Variants in MZT2B observed in about 807,000 individuals in gnomAD.
MZT2B encodes the protein mitotic spindle organizing protein 2B.
Under a neutral mutation model 12.1 loss-of-function variants are expected in MZT2B, and 11 were observed. The observed-to-expected ratio is 0.91, with a 90% CI of 0.57 to 1.50. The LOEUF (loss-of-function observed/expected upper bound fraction) is 1.50, where lower values mean the gene tolerates loss of function less well. Ranked by LOEUF, MZT2B falls within the 40% of genes most tolerant of loss-of-function variation. The pLI is 0.00. For synonymous variants in MZT2B, 85 were observed against 109.5 expected, an observed-to-expected ratio of 0.78 and a Z score of 1.40; for missense variants, 209 against 227.7, an observed-to-expected ratio of 0.92 and a Z score of 0.53.
chr2:130,189,464 A>T (rs13029827), intron 2 of MZT2B, among the ~76,000 whole-genome samples: 3 of 151,902 alleles, frequency 2.0e-5, no homozygotes, highest in Non-Finnish European at 4.4e-5. Flanking sequence ...CAAAGGAAAC[A>T]CTGGGGGGAT....
At chr2:130,202,632 C>A in the MZT2B span, among the ~76,000 whole-genome samples, 2 of 152,192 alleles carry the variant, frequency 1.3e-5, no homozygotes, top group Admixed American at 1.3e-4. Flanking sequence ...CCCATGTCAG[C>A]TAGCTGGGCT....
chr2:130,190,524 C>T lies in MZT2B; in HGVS notation c.375C>T (p.Ser125=), dbSNP rs370291415. 1.9e-6 allele frequency: 3 copies of T among 1,613,846 alleles called. No homozygotes were observed. The highest frequency in any genetic ancestry group is 2.5e-6 in the Non-Finnish European group (3 of 1,179,992). The part of the protein sequence containing the change: ...LGGALALAER[S]SREGSSQRMP... ...GAGCATTGGCCCTGGCGGAACGCAG[C>T]AGCCGCGAAGGATCCAGCCAGAGGA... Residue 125 remains serine (S), a synonymous_variant, in exon 3 of 3, where the codon AGC becomes AGT. Transcript: ENST00000281871.
At chr2:130,203,107 G>A in the MZT2B span, among the ~76,000 whole-genome samples, 11 of 136,850 alleles carry the variant, frequency 8.0e-5, no homozygotes, top group South Asian at 2.3e-4. Flanking sequence ...GCAGTCATGC[G>A]ATCTCAGCTC....
upstream of MZT2B, chr2:130,181,921 T>C: frequency 6.8e-7 from 1 of 1,469,612 alleles, no homozygotes; most frequent in Non-Finnish European, 9.1e-7. Context: ...ACCAGAAAAT[T>C]GCACGCTTTC....
chr2:130,194,043 A>T (rs758232054), downstream of MZT2B: 2 of 1,614,160 alleles, frequency 1.2e-6, no homozygotes, highest in South Asian at 2.2e-5. Flanking sequence ...GCCAGGGGGA[A>T]GTGGATGCGG....
At chr2:130,192,010 C>T, downstream of MZT2B, 1 of 1,614,142 alleles carries the variant, frequency 6.2e-7, no homozygotes, top group Middle Eastern at 1.6e-4. Context: ...AACTTATGGA[C>T]CAGGCGGGCC....
At chr2:130,190,433 G>A (rs769847156) in intron 2 of MZT2B, 36 bp from the exon 3 acceptor site, 103 of 1,606,800 alleles carry the variant, frequency 6.4e-5, no homozygotes, top group South Asian at 2.2e-4. Flanking sequence ...TACGGGGCAC[G>A]CCCATTCCTA....
chr2:130,185,783 G>A (rs868091105), intron 2 of MZT2B, among the ~76,000 whole-genome samples: 20 of 150,532 alleles, frequency 1.3e-4, no homozygotes, highest in African/African-American at 3.9e-4. Flanking sequence ...CTGTGTGAGC[G>A]AATGGGGGCT....
downstream of MZT2B, chr2:130,192,271 G>T: frequency 7.8e-7 from 1 of 1,289,902 alleles, no homozygotes; most frequent in Non-Finnish European, 1.0e-6. Flanking sequence ...GCCCTTCTCT[G>T]CACCAGGCAG....
At chr2:130,200,390 C>CAAA in the MZT2B span, among the ~76,000 whole-genome samples, 56 of 124,210 alleles carry the variant, frequency 4.5e-4, no homozygotes, top group African/African-American at 1.6e-3. Context: ...GACTCTGTCT[C>CAAA]AAAAAAAAAA....
upstream of MZT2B, chr2:130,181,713 A>G (rs770994604): frequency 1.9e-5 from 29 of 1,547,816 alleles, no homozygotes; most frequent in East Asian, 6.1e-4. Flanking sequence ...CGGGCGGGGA[A>G]GAGAAATGGC....
At chr2:130,197,898 G>A in the MZT2B span, among the ~76,000 whole-genome samples, 28 of 125,228 alleles carry the variant, frequency 2.2e-4, 5 homozygotes, top group Non-Finnish European at 4.1e-4. Flanking sequence ...GTGAGCCGCC[G>A]CGCCTGGCCT....
chr2:130,182,189 G>A (rs1053439538), upstream of MZT2B: 11 of 1,259,376 alleles, frequency 8.7e-6, no homozygotes, highest in African/African-American at 6.3e-5. Context: ...GGGCAGCCCG[G>A]GAGGCCAGAC....
chr2:130,197,119 C>A, the MZT2B span, among the ~76,000 whole-genome samples: 4 of 152,136 alleles, frequency 2.6e-5, no homozygotes, highest in Non-Finnish European at 5.9e-5. Flanking sequence ...CTCTCTCTAC[C>A]CCTTGAAGCC....
At chr2:130,204,708 G>C in the MZT2B span, among the ~76,000 whole-genome samples, 2,971 of 138,552 alleles carry the variant, frequency 0.021, 74 homozygotes, top group African/African-American at 0.064. Flanking sequence ...AAAAAAAGGG[G>C]GGGTGGGGAG....
At chr2:130,187,672 A>G (rs1261447527) in intron 2 of MZT2B, among the ~76,000 whole-genome samples, 1 of 152,166 alleles carries the variant, frequency 6.6e-6, no homozygotes, top group African/African-American at 2.4e-5. Context: ...GAGCAGGGCT[A>G]AGCAAAGCTG....
chr2:130,182,841 G>T, intron 2 of MZT2B, 66 bp downstream of exon 2: 1 of 1,424,584 alleles, frequency 7.0e-7, no homozygotes, highest in South Asian at 1.4e-5. Flanking sequence ...GGGCAGGCGC[G>T]GCACAGCGGC....
chr2:130,193,090 CAAA>C (rs34628369), downstream of MZT2B, among the ~76,000 whole-genome samples: 1 of 134,218 alleles, frequency 7.5e-6, no homozygotes, highest in African/African-American at 2.7e-5. Flanking sequence ...AAGATTGTCT[CAAA>C]AAAAAAAAAA....
downstream of MZT2B, among the ~76,000 whole-genome samples, chr2:130,191,060 C>T (rs1003567897): frequency 1.3e-5 from 2 of 152,168 alleles, no homozygotes; most frequent in Admixed American, 6.5e-5. Context: ...CGCCATTCTC[C>T]TGCCTCAGCC....
Sources: allele counts gnomAD v4.1 joint callset (sites outside exome capture counted in the v4.1 genomes callset), GRCh38; gene constraint gnomAD v4.1.1; transcripts MANE v1.5; gene names NCBI Gene and HGNC (gene_info 2026-07-23, HGNC 2026-07-21).